Variants in PEMT observed in about 807,000 individuals in gnomAD.
PEMT encodes phosphatidylethanolamine N-methyltransferase.
In PEMT, 23 loss-of-function variants were observed where a neutral mutation model predicts 27.4. The ratio of observed to expected loss-of-function variants is 0.84; its 90% CI spans 0.60 to 1.19. The LOEUF (loss-of-function observed/expected upper bound fraction) is 1.19, where lower values mean the gene tolerates loss of function less well. Among genes scored for constraint, PEMT ranks in the 50% most tolerant of loss-of-function variants. PEMT has a pLI of 0.00. For synonymous variants in PEMT, 137 were observed against 139.1 expected, an observed-to-expected ratio of 0.98 and a Z score of 0.11; for missense variants, 307 against 310.1, an observed-to-expected ratio of 0.99 and a Z score of 0.07.
At chr17:17,537,561 G>A (rs550593413) in intron 2 of PEMT, among the ~76,000 whole-genome samples, 1 of 152,350 alleles carries the variant, frequency 6.6e-6, no homozygotes, top group South Asian at 2.1e-4. Flanking sequence ...TCCCCTGTGT[G>A]TGTGCCACTC....
At chr17:17,528,904 T>C (rs1907894309) in intron 2 of PEMT, among the ~76,000 whole-genome samples, 1 of 152,210 alleles carries the variant, frequency 6.6e-6, no homozygotes, top group African/African-American at 2.4e-5. Context: ...GGACAGCCCA[T>C]CGAGGCATTT....
chr17:17,515,377 C>A (rs558021486), intron 3 of PEMT, among the ~76,000 whole-genome samples: 1 of 152,146 alleles, frequency 6.6e-6, no homozygotes, highest in African/African-American at 2.4e-5. Flanking sequence ...GGCCAGGGAG[C>A]GGGTGGGAGA....
In PEMT at chr17:17,576,935, C is replaced by T. The variant is rs758655873; in HGVS notation, c.189G>A (p.Pro63=). 6.8e-6 allele frequency: 11 copies of T among 1,613,262 alleles called. No homozygotes were observed. The highest frequency in any genetic ancestry group is 1.6e-4 in the Middle Eastern group (1 of 6,084). ...VAAVITITFN[P]LYWNVVARWE... ...CATCACTTACCACATTCCAGTAGAG[C>T]GGATTGAAGGTGATGGTGATGACGG... Residue 63 remains proline (P), a synonymous_variant, in exon 2 of 7, where the codon CCG becomes CCA. Transcript: ENST00000255389.
At chr17:17,559,013 G>C (rs9890856) in intron 2 of PEMT, among the ~76,000 whole-genome samples, 250 of 152,306 alleles carry the variant, frequency 1.6e-3, no homozygotes, top group African/African-American at 5.9e-3. Flanking sequence ...TCCCTGCCAT[G>C]GTTGCAGAAA....
intron 3 of PEMT, among the ~76,000 whole-genome samples, chr17:17,516,863 C>T (rs1906876196): frequency 6.6e-6 from 1 of 152,176 alleles, no homozygotes; most frequent in Admixed American, 6.5e-5. Flanking sequence ...TCTCCAGCTG[C>T]CCTCATGGAC....
intron 2 of PEMT, among the ~76,000 whole-genome samples, chr17:17,528,765 C>A (rs1489852552): frequency 1.3e-5 from 2 of 152,216 alleles, no homozygotes; most frequent in Non-Finnish European, 1.5e-5. Context: ...AAACTCAGGG[C>A]TCCACTGGCA....
Position 17,561,603 on chromosome 17 carries a change from C to T in PEMT, c.204+15317G>A, listed in dbSNP as rs970511364. On this transcript the variant is annotated intron_variant, in intron 2 of 6. Transcript: ENST00000255389. This position sits in a 1 kb window ranked among gnomAD's most constrained non-coding sequence, Gnocchi z 4.5. ...ACTCCAGGCACCATCCCGGCCCTTG[C>T]AACAGTGAGCCAGGCAGCTGTGCCT... 6.6e-6 allele frequency among the ~76,000 whole-genome samples: 1 copy of T among 152,210 alleles called. No individual in the cohort carries two copies. The highest frequency in any genetic ancestry group is 1.5e-5 in the Non-Finnish European group (1 of 68,040).
intron 2 of PEMT, among the ~76,000 whole-genome samples, chr17:17,547,351 C>T (rs1317543406): frequency 6.6e-6 from 1 of 152,246 alleles, no homozygotes; most frequent in African/African-American, 2.4e-5. Context: ...GCAGGCGAGG[C>T]GTTCAGGGCC....
intron 2 of PEMT, among the ~76,000 whole-genome samples, chr17:17,538,340 A>G (rs181995059): frequency 3.5e-4 from 54 of 152,306 alleles, no homozygotes; most frequent in African/African-American, 1.2e-3. Flanking sequence ...AATAAAATAT[A>G]TATCTAAAAA....
At chr17:17,577,788 C>T (rs1418783665) in intron 1 of PEMT, among the ~76,000 whole-genome samples, 3 of 152,048 alleles carry the variant, frequency 2.0e-5, no homozygotes, top group Admixed American at 6.5e-5. Context: ...GAGGCCGAGG[C>T]GGGCGGATCA....
chr17:17,567,643 G>A (rs779670310), intron 2 of PEMT, among the ~76,000 whole-genome samples: 8 of 152,240 alleles, frequency 5.3e-5, no homozygotes, highest in Admixed American at 1.3e-4. Context: ...CCTGCCATTC[G>A]TTCTGCAGGA....
At chr17:17,539,099 A>C (rs1473616549) in intron 2 of PEMT, among the ~76,000 whole-genome samples, 1 of 152,204 alleles carries the variant, frequency 6.6e-6, no homozygotes, top group Non-Finnish European at 1.5e-5. Flanking sequence ...GGTAACACAT[A>C]AAGTAAAATG....
At chr17:17,552,071 G>A (rs1909691729) in intron 2 of PEMT, among the ~76,000 whole-genome samples, 1 of 152,140 alleles carries the variant, frequency 6.6e-6, no homozygotes, top group Non-Finnish European at 1.5e-5. Flanking sequence ...GCACGGTGGT[G>A]CGTGCCTGTA....
At chr17:17,528,906 G>A (rs74454529) in intron 2 of PEMT, among the ~76,000 whole-genome samples, 9,226 of 152,266 alleles carry the variant, frequency 0.061, 372 homozygotes, top group East Asian at 0.13. Flanking sequence ...ACAGCCCATC[G>A]AGGCATTTCC....
chr17:17,549,841 A>G (rs1358526675), intron 2 of PEMT, among the ~76,000 whole-genome samples: 2 of 152,168 alleles, frequency 1.3e-5, no homozygotes, highest in African/African-American at 4.8e-5. Flanking sequence ...AGCCCAGCAG[A>G]CGGGAGGCAC....
intron 4 of PEMT, among the ~76,000 whole-genome samples, chr17:17,511,983 G>C (rs2142511503): frequency 6.6e-6 from 1 of 152,256 alleles, no homozygotes; most frequent in South Asian, 2.1e-4. Flanking sequence ...ATGGAGAAGG[G>C]ATAAGGTGCC....
chr17:17,576,852 C>G (rs1911626939), intron 2 of PEMT, 68 bp downstream of exon 2: 4 of 1,278,132 alleles, frequency 3.1e-6, no homozygotes, highest in Non-Finnish European at 4.6e-6. Flanking sequence ...CCACCGCGAT[C>G]CCCTGCATGT....
chr17:17,540,831 TGGGCTCCC>T (rs1395149629), intron 2 of PEMT, among the ~76,000 whole-genome samples: 20 of 152,332 alleles, frequency 1.3e-4, no homozygotes, highest in Admixed American at 1.3e-3. Context: ...GGCGAGTGAA[TGGGCTCCC>T]GAGTGCTCCC....
intron 2 of PEMT, among the ~76,000 whole-genome samples, chr17:17,529,479 C>G (rs1194357508): frequency 6.6e-6 from 1 of 152,234 alleles, no homozygotes; most frequent in Non-Finnish European, 1.5e-5. Flanking sequence ...CCTGCCCACT[C>G]CACCAGCTAG....
Sources: allele counts gnomAD v4.1 joint callset (sites outside exome capture counted in the v4.1 genomes callset), GRCh38; gene constraint gnomAD v4.1.1; non-coding constraint Gnocchi (gnomAD v3.1); transcripts MANE v1.5; gene names NCBI Gene and HGNC (gene_info 2026-07-23, HGNC 2026-07-21).